TMEM108: variants seen among roughly 807,000 people sequenced by gnomAD.
TMEM108 encodes the protein cancer/testis antigen 124.
A neutral mutation model predicts 35.1 loss-of-function variants in TMEM108; 12 were observed. The ratio of observed to expected loss-of-function variants is 0.34; its 90% CI spans 0.22 to 0.55. TMEM108 has a LOEUF of 0.55. Among genes scored for constraint, TMEM108 ranks in the 20% least tolerant of loss-of-function variants. The probability of loss-of-function intolerance (pLI) is 0.89; values close to 1 mark genes in which losing one functional copy is unlikely to be tolerated. For missense variants in TMEM108, 680 were observed against 753.3 expected, an observed-to-expected ratio of 0.90 and a Z score of 1.14; for synonymous variants, 287 against 308.6, an observed-to-expected ratio of 0.93 and a Z score of 0.73.
At chr3:133,323,294 A>G (rs930188571) in intron 3 of TMEM108, among the ~76,000 whole-genome samples, 3 of 152,138 alleles carry the variant, frequency 2.0e-5, no homozygotes, top group African/African-American at 7.2e-5. Flanking sequence ...GATTCATCCA[A>G]AAAGCTCCTA....
chr3:133,061,514 G>A (rs1161661317), intron 2 of TMEM108, among the ~76,000 whole-genome samples: 1 of 152,042 alleles, frequency 6.6e-6, no homozygotes, highest in Non-Finnish European at 1.5e-5. Flanking sequence ...TGCCCAGCCG[G>A]GCATGTCTCA....
At chr3:133,360,794 C>T (rs2072325178) in intron 3 of TMEM108, among the ~76,000 whole-genome samples, 1 of 152,200 alleles carries the variant, frequency 6.6e-6, no homozygotes, top group Non-Finnish European at 1.5e-5. Context: ...GACCTCACTG[C>T]AGCCTTGAAA....
chr3:133,045,087 C>T lies in TMEM108; in HGVS notation c.-165-815C>T, dbSNP rs754159647. Among the ~76,000 whole-genome samples, 25 of 152,086 alleles carry T rather than the reference C, an allele frequency of 1.6e-4. No individual in the cohort carries two copies. The South Asian group carries it at 3.7e-3, about 23-fold the overall frequency. ...GGTTCACGCCATTCTCCTGCCTCAG[C>T]CTCCCGAGTAGCTGGGACTACAGGC... On this transcript the variant is annotated intron_variant, in intron 1 of 5. Transcript: ENST00000321871.
intron 2 of TMEM108, among the ~76,000 whole-genome samples, chr3:133,170,657 A>G (rs75603424): frequency 0.024 from 3,601 of 152,296 alleles, 158 homozygotes; most frequent in African/African-American, 0.081. Context: ...AATGGTCAAA[A>G]TATTAAAGTC....
chr3:133,197,754 A>C (rs1945600567), intron 2 of TMEM108, among the ~76,000 whole-genome samples: 1 of 152,186 alleles, frequency 6.6e-6, no homozygotes, highest in African/African-American at 2.4e-5. Flanking sequence ...TCAGAGGTGA[A>C]GCCAAGAAAA....
chr3:133,084,561 GA>G (rs1943857248), intron 2 of TMEM108, among the ~76,000 whole-genome samples: 1 of 152,204 alleles, frequency 6.6e-6, no homozygotes, highest in Non-Finnish European at 1.5e-5. Flanking sequence ...GCTGCTCCTT[GA>G]AGGATTATTA....
chr3:133,247,035 C>T (rs1396379724), intron 3 of TMEM108: 1 of 152,166 alleles, frequency 6.6e-6, no homozygotes, highest in East Asian at 1.9e-4. Context: ...GTCCAGGGCT[C>T]AGATGCCCAG....
intron 2 of TMEM108, among the ~76,000 whole-genome samples, chr3:133,196,705 A>G (rs1945583038): frequency 6.6e-6 from 1 of 152,236 alleles, no homozygotes; most frequent in Non-Finnish European, 1.5e-5. Context: ...TGAATAGACC[A>G]ACATTCAGGG....
At chr3:133,386,304 T>A in intron 4 of TMEM108, 1 of 1,140,806 alleles carries the variant, frequency 8.8e-7, no homozygotes, top group Non-Finnish European at 1.3e-6. Context: ...TTCATCTTAT[T>A]GTTTTTAAGA....
intron 2 of TMEM108, among the ~76,000 whole-genome samples, chr3:133,217,815 T>A (rs1346353285): frequency 1.3e-5 from 2 of 152,110 alleles, no homozygotes; most frequent in African/African-American, 4.8e-5. Flanking sequence ...ACAGTTTTGA[T>A]TACTATAGTT....
intron 3 of TMEM108, among the ~76,000 whole-genome samples, chr3:133,357,220 C>A (rs1425926282): frequency 2.6e-5 from 4 of 152,150 alleles, no homozygotes; most frequent in Non-Finnish European, 5.9e-5. Context: ...CTAATTAAAA[C>A]CGCAGTGAGA....
chr3:133,394,784 A>T (rs571194602), intron 5 of TMEM108, among the ~76,000 whole-genome samples: 24 of 152,324 alleles, frequency 1.6e-4, no homozygotes, highest in African/African-American at 5.5e-4. Context: ...TTTTATCAAC[A>T]ATGGCATTTC....
intron 1 of TMEM108, among the ~76,000 whole-genome samples, chr3:133,044,343 C>G (rs149801146): frequency 6.6e-6 from 1 of 152,226 alleles, no homozygotes; most frequent in East Asian, 1.9e-4. Flanking sequence ...ACTTTGTTTC[C>G]TGTTCCAAAA....
chr3:133,235,110 A>G (rs1282180285), intron 3 of TMEM108, among the ~76,000 whole-genome samples: 1 of 152,208 alleles, frequency 6.6e-6, no homozygotes, highest in Admixed American at 6.5e-5. Flanking sequence ...AGAGGATACA[A>G]ACAAATGGAA....
intron 3 of TMEM108, among the ~76,000 whole-genome samples, chr3:133,278,251 A>G (rs1946864930): frequency 1.3e-5 from 2 of 152,364 alleles, no homozygotes; most frequent in African/African-American, 4.8e-5. Flanking sequence ...ATGCTGAACT[A>G]GAAATCAAAA....
intron 2 of TMEM108, among the ~76,000 whole-genome samples, chr3:133,126,800 C>G (rs1050012870): frequency 3.3e-5 from 5 of 152,074 alleles, no homozygotes; most frequent in African/African-American, 9.7e-5. Flanking sequence ...TTGTATATAA[C>G]CTGTACACAT....
At chr3:133,309,394 C>T (rs1041419968) in intron 3 of TMEM108, among the ~76,000 whole-genome samples, 2 of 152,086 alleles carry the variant, frequency 1.3e-5, no homozygotes, top group South Asian at 2.1e-4. Flanking sequence ...TATTTCTCAC[C>T]TTCTGCTAGC....
chr3:133,374,603 A>G (rs903635449), intron 3 of TMEM108, among the ~76,000 whole-genome samples: 12 of 151,492 alleles, frequency 7.9e-5, no homozygotes, highest in African/African-American at 2.7e-4. Flanking sequence ...TTTTATATAC[A>G]TAATTTTTAT....
intron 2 of TMEM108, among the ~76,000 whole-genome samples, chr3:133,204,236 A>G (rs1316363543): frequency 1.4e-5 from 2 of 146,726 alleles, no homozygotes; most frequent in African/African-American, 5.0e-5. Flanking sequence ...GTTAATCTTT[A>G]AAAAAAAAAT....
Sources: allele counts gnomAD v4.1 joint callset (sites outside exome capture counted in the v4.1 genomes callset), GRCh38; gene constraint gnomAD v4.1.1; transcripts MANE v1.5; gene names NCBI Gene and HGNC (gene_info 2026-07-23, HGNC 2026-07-21).